The following SEMA6D variants were observed in gnomAD, a reference collection of about 807,000 sequenced individuals.
The protein encoded by SEMA6D is semaphorin-6D.
SEMA6D carries 35 observed loss-of-function variants against 106.6 expected under a neutral mutation model. That is an observed-to-expected ratio of 0.33 (90% confidence interval 0.25 to 0.44). SEMA6D has a LOEUF of 0.44. Among genes scored for constraint, SEMA6D ranks in the 20% least tolerant of loss-of-function variants. The pLI is 1.00. For synonymous variants in SEMA6D, 499 were observed against 487.7 expected (o/e 1.02, Z -0.31); for missense variants, 1,185 against 1,345.9 (o/e 0.88, Z 1.87).
At chr15:47,382,360 AT>A (rs1433742955) in intron 1 of SEMA6D, among the ~76,000 whole-genome samples, 1 of 152,080 alleles carries the variant, frequency 6.6e-6, no homozygotes, top group African/African-American at 2.4e-5. Context: ...TACAAAAAAA[AT>A]TAGCCAGGCA....
chr15:47,432,345 A>G (rs1356107749), intron 2 of SEMA6D, among the ~76,000 whole-genome samples: 8 of 152,126 alleles, frequency 5.3e-5, no homozygotes. Context: ...AAACACATGA[A>G]AAGTAAATTT....
chr15:47,184,141 G>C (rs1440442978), exon 1 of SEMA6D: 2 of 152,858 alleles, frequency 1.3e-5, no homozygotes, highest in African/African-American at 4.8e-5. Flanking sequence ...GTGGAGGGCT[G>C]CTGAGGTGAC....
chr15:47,740,306 G>C (rs1339403078), intron 1 of SEMA6D, among the ~76,000 whole-genome samples: 1 of 152,076 alleles, frequency 6.6e-6, no homozygotes, highest in African/African-American at 2.4e-5. Flanking sequence ...AGATCAGCAG[G>C]TCAAGAGATC....
intron 1 of SEMA6D, among the ~76,000 whole-genome samples, chr15:47,373,310 G>A (rs892270923): frequency 6.6e-6 from 1 of 152,174 alleles, no homozygotes; most frequent in African/African-American, 2.4e-5. Context: ...CCCTGCCTTT[G>A]CGTGTTTCTC....
At chr15:47,298,563 A>G (rs986726814) in intron 1 of SEMA6D, among the ~76,000 whole-genome samples, 1 of 152,114 alleles carries the variant, frequency 6.6e-6, no homozygotes, top group Non-Finnish European at 1.5e-5. Context: ...CATAGAAGTC[A>G]TTGTGTTCTT....
chr15:47,315,020 C>G (rs1003791507), intron 1 of SEMA6D, among the ~76,000 whole-genome samples: 1 of 151,246 alleles, frequency 6.6e-6, no homozygotes, highest in East Asian at 2.0e-4. Flanking sequence ...CGCCCGCCAT[C>G]ACGCCCGGCT....
At chr15:47,249,787 C>T (rs1461965533) in intron 1 of SEMA6D, among the ~76,000 whole-genome samples, 1 of 152,122 alleles carries the variant, frequency 6.6e-6, no homozygotes, top group Non-Finnish European at 1.5e-5. Flanking sequence ...AGGGTTCTTG[C>T]CTTTTCTAGG....
chr15:47,629,564 T>G (rs1468601607), intron 4 of SEMA6D, among the ~76,000 whole-genome samples: 1 of 151,954 alleles, frequency 6.6e-6, no homozygotes, highest in Non-Finnish European at 1.5e-5. Context: ...TGTTTATCAT[T>G]TTTACATGTC....
chr15:47,336,344 A>G (rs531958636), intron 1 of SEMA6D, among the ~76,000 whole-genome samples: 1 of 152,288 alleles, frequency 6.6e-6, no homozygotes, highest in South Asian at 2.1e-4. Context: ...AATCTCGGGA[A>G]GATTGCCCAA....
chr15:47,586,220 A>G (rs1189387637), intron 3 of SEMA6D, among the ~76,000 whole-genome samples: 1 of 152,196 alleles, frequency 6.6e-6, no homozygotes, highest in Admixed American at 6.5e-5. Context: ...ATGTATTTTC[A>G]TGATGTATCC....
chr15:47,439,864 A>G (rs2041830234), intron 2 of SEMA6D, among the ~76,000 whole-genome samples: 1 of 152,144 alleles, frequency 6.6e-6, no homozygotes, highest in Admixed American at 6.6e-5. Flanking sequence ...AACTGCCAAG[A>G]GGAATTTGAA....
intron 1 of SEMA6D, among the ~76,000 whole-genome samples, chr15:47,294,465 G>A (rs1393011042): frequency 6.6e-6 from 1 of 152,052 alleles, no homozygotes; most frequent in Non-Finnish European, 1.5e-5. Context: ...CTTGTGCTTT[G>A]CCCACCTTGG....
intron 4 of SEMA6D, among the ~76,000 whole-genome samples, chr15:47,611,148 TAC>T (rs71432248): frequency 0.097 from 13,736 of 141,288 alleles, 606 homozygotes; most frequent in South Asian, 0.13. Flanking sequence ...CCGTCCTACA[TAC>T]ACACACACAC....
chr15:47,406,688 C>T lies in SEMA6D; in HGVS notation c.-238-5705C>T, dbSNP rs149173710. 9.2e-5 allele frequency among the ~76,000 whole-genome samples: 14 copies of T among 151,400 alleles called. No homozygotes were observed. The East Asian group carries it at 2.5e-3, about 27-fold the overall frequency. On this transcript the variant is annotated intron_variant, in intron 1 of 19. Transcript: ENST00000558014. ...TTATAAGATGAGTAAGTTCTGGAGA[C>T]CTAATGTACGGTATGGTGACTATCG...
chr15:47,401,050 C>G (rs2040382510), intron 1 of SEMA6D, among the ~76,000 whole-genome samples: 1 of 152,154 alleles, frequency 6.6e-6, no homozygotes, highest in African/African-American at 2.4e-5. Context: ...TAAAGGAAAG[C>G]TAGTAATGGT....
At chr15:47,727,035 G>T (rs914456656) in intron 1 of SEMA6D, among the ~76,000 whole-genome samples, 1 of 152,132 alleles carries the variant, frequency 6.6e-6, no homozygotes, top group Non-Finnish European at 1.5e-5. Context: ...TCCTAACCCC[G>T]ATGTCAGCTG....
intron 1 of SEMA6D, among the ~76,000 whole-genome samples, chr15:47,364,553 A>G (rs1216440919): frequency 1.3e-5 from 2 of 152,220 alleles, no homozygotes; most frequent in Non-Finnish European, 2.9e-5. Flanking sequence ...AATTTCGTAC[A>G]GTAGCTGTGA....
intron 2 of SEMA6D, among the ~76,000 whole-genome samples, chr15:47,426,666 A>G (rs189802426): frequency 6.6e-6 from 1 of 152,138 alleles, no homozygotes; most frequent in Non-Finnish European, 1.5e-5. Flanking sequence ...CACATCCCTG[A>G]TGCGTACTCC....
chr15:47,724,098 T>C (rs1430428407), intron 1 of SEMA6D, among the ~76,000 whole-genome samples: 1 of 152,232 alleles, frequency 6.6e-6, no homozygotes, highest in Non-Finnish European at 1.5e-5. Flanking sequence ...AAGCATTTTT[T>C]GGTCTACAGA....
Sources: gnomAD v4.1 joint callset for allele counts (sites outside exome capture counted in the v4.1 genomes callset) on GRCh38, gnomAD v4.1.1 for gene constraint, MANE v1.5 for transcripts, NCBI Gene and HGNC (gene_info 2026-07-23, HGNC 2026-07-21) for gene names.